Variants in MECOM observed in about 807,000 individuals in gnomAD.
MECOM encodes histone-lysine N-methyltransferase MECOM.
In MECOM, 13 loss-of-function variants were observed where a neutral mutation model predicts 116.3. The observed-to-expected ratio is 0.11, with a 90% confidence interval of 0.07 to 0.18. MECOM has a LOEUF of 0.18. Ranked by LOEUF, MECOM falls within the 10% of genes least tolerant of loss-of-function variation. MECOM has a pLI of 1.00. For missense variants in MECOM, 1,299 were observed against 1,509.0 expected, an observed-to-expected ratio of 0.86 and a Z score of 2.31; for synonymous variants, 528 against 535.2, an observed-to-expected ratio of 0.99 and a Z score of 0.19.
rs75166056 is a variant in MECOM at position 169,307,059 on chromosome 3, T to C, written c.375+74128A>G. Among the ~76,000 whole-genome samples, 1,246 of 152,308 alleles carry C rather than the reference T, an allele frequency of 8.2e-3. 43 individuals are homozygous for C. In the East Asian group the frequency reaches 0.11, roughly 13 times the overall value. ...CCATTTGTAAAACAAAATTTCAGAT[T>C]TATCCATTCCAAACTGGTTTCTCTC... On this transcript the variant is annotated intron_variant, in intron 2 of 16. Coordinates refer to ENST00000651503, the MANE Select transcript of MECOM (RefSeq NM_004991.4).
Position 169,577,404 on chromosome 3 carries a change from T to C in MECOM, c.37+85932A>G, listed in dbSNP as rs558135500. On this transcript the variant is annotated intron_variant, in intron 1 of 16. Transcript: ENST00000651503. ...TGAGTTTACACTAGCCATCTAACTC[T>C]CTTCATTCCAAACTTTCATGAACCT... 8.3e-4 allele frequency among the ~76,000 whole-genome samples: 127 copies of C among 152,242 alleles called. 1 individual carries two copies. The highest frequency in any genetic ancestry group is 1.6e-3 in the Non-Finnish European group (112 of 68,026).
chr3:169,351,414 T>G (rs773630865), intron 2 of MECOM, among the ~76,000 whole-genome samples: 74 of 152,010 alleles, frequency 4.9e-4, no homozygotes, highest in Non-Finnish European at 1.0e-3. Flanking sequence ...CAGTAATGTA[T>G]TTATGTATCT....
At chr3:169,402,861 C>A (rs1274199042) in intron 1 of MECOM, among the ~76,000 whole-genome samples, 2 of 152,110 alleles carry the variant, frequency 1.3e-5, no homozygotes, top group African/African-American at 2.4e-5. Flanking sequence ...AAAGTGTTTG[C>A]CAGGTACACA....
chr3:169,212,636 G>GTATA (rs61115570), intron 2 of MECOM, among the ~76,000 whole-genome samples: 4 of 26,060 alleles, frequency 1.5e-4, no homozygotes, highest in Non-Finnish European at 2.8e-4. Context: ...AGTCAGCAAT[G>GTATA]TATATATATA....
chr3:169,404,032 G>A (rs1736275983), intron 1 of MECOM, among the ~76,000 whole-genome samples: 1 of 152,114 alleles, frequency 6.6e-6, no homozygotes, highest in African/African-American at 2.4e-5. Flanking sequence ...CTTGGGAACT[G>A]AGAGACCAAA....
chr3:169,634,991 G>T (rs1363042063), intron 1 of MECOM, among the ~76,000 whole-genome samples: 1 of 152,078 alleles, frequency 6.6e-6, no homozygotes, highest in East Asian at 1.9e-4. Context: ...TGCTAGGCCA[G>T]GATGGGTGTA....
Position 169,418,719 on chromosome 3 carries a change from A to G in MECOM, c.38-37195T>C, listed in dbSNP as rs192392984. Among the ~76,000 whole-genome samples the G allele has an allele frequency of 1.6e-3, 246 of 152,352 alleles. 3 individuals are homozygous for G. The highest frequency in any genetic ancestry group is 5.1e-3 in the African/African-American group (212 of 41,580). On this transcript the variant is annotated intron_variant, in intron 1 of 16. Coordinates refer to ENST00000651503, the MANE Select transcript of MECOM (RefSeq NM_004991.4). ...CACCCCTTCACGATAAAAACACTCA[A>G]TAAACTAGGTATTGATGGAACATAT...
At chr3:169,092,819 T>C in intron 14 of MECOM, 139 bp downstream of exon 14, 3 of 880,860 alleles carry the variant, frequency 3.4e-6, no homozygotes, top group South Asian at 3.4e-5. Context: ...TTTAATGTGG[T>C]ATTTAATATG....
intron 2 of MECOM, among the ~76,000 whole-genome samples, chr3:169,359,461 C>A (rs1213055476): frequency 6.6e-6 from 1 of 151,678 alleles, no homozygotes; most frequent in African/African-American, 2.4e-5. Context: ...ACATCATATA[C>A]CACCTCAGTA....
chr3:169,115,351 C>T (rs1728808006), intron 8 of MECOM, 32 bp downstream of exon 8: 2 of 1,594,490 alleles, frequency 1.3e-6, no homozygotes, highest in South Asian at 2.3e-5. Flanking sequence ...CATACATCTG[C>T]TCATATTTCG....
chr3:169,402,066 C>T (rs1436468269), intron 1 of MECOM, among the ~76,000 whole-genome samples: 2 of 152,048 alleles, frequency 1.3e-5, no homozygotes, highest in Non-Finnish European at 1.5e-5. Context: ...ATCATGAGAG[C>T]TTAAAAAAGG....
At chr3:169,599,619 A>C (rs1007290699) in intron 1 of MECOM, among the ~76,000 whole-genome samples, 18 of 152,204 alleles carry the variant, frequency 1.2e-4, no homozygotes, top group Admixed American at 9.8e-4. Context: ...TTCCCAATAT[A>C]AGCTTTGTGA....
At chr3:169,574,919 C>T (rs566549788) in intron 1 of MECOM, among the ~76,000 whole-genome samples, 158 of 152,072 alleles carry the variant, frequency 1.0e-3, no homozygotes, top group African/African-American at 3.2e-3. Flanking sequence ...AAGACATCTA[C>T]AGAACACCCA....
chr3:169,617,109 T>G (rs1770108403), intron 1 of MECOM, among the ~76,000 whole-genome samples: 1 of 152,212 alleles, frequency 6.6e-6, no homozygotes, highest in African/African-American at 2.4e-5. Context: ...CAGTATATTT[T>G]TTTAAGATAT....
chr3:169,191,046 G>A lies in MECOM; in HGVS notation c.376-47214C>T, dbSNP rs998086302. 2.6e-5 allele frequency among the ~76,000 whole-genome samples: 4 copies of A among 151,932 alleles called. No individual in the cohort carries two copies. The South Asian group carries it at 8.3e-4, about 31-fold the overall frequency. ...CAGGAGCAGGACCAATTCCCATCTGGGATGCTGACTCCTTACCATCCCTAC... is the reference window on the plus strand; with the variant it reads ...CAGGAGCAGGACCAATTCCCATCTGAGATGCTGACTCCTTACCATCCCTAC... On this transcript the variant is annotated intron_variant, in intron 2 of 16. Transcript: ENST00000651503.
intron 1 of MECOM, among the ~76,000 whole-genome samples, chr3:169,414,939 A>G (rs576721356): frequency 2.4e-4 from 37 of 152,334 alleles, no homozygotes; most frequent in Non-Finnish European, 4.1e-4. Context: ...GGAGAATGGA[A>G]CCAAGTTGGA....
chr3:169,132,755 CTTT>C (rs371541265), intron 3 of MECOM, among the ~76,000 whole-genome samples: 6 of 139,170 alleles, frequency 4.3e-5, no homozygotes, highest in Non-Finnish European at 6.2e-5. Flanking sequence ...TTTTTCTTTT[CTTT>C]TTTTTTTTTT....
chr3:169,206,133 A>G lies in MECOM; in HGVS notation c.376-62301T>C, dbSNP rs139461315. Among the ~76,000 whole-genome samples, 387 of 152,270 alleles carry G rather than the reference A, an allele frequency of 2.5e-3. 1 individual carries two copies. Among genetic ancestry groups the G allele is most frequent in the African/African-American group, 8.7e-3 (362 of 41,564 alleles). On this transcript the variant is annotated intron_variant, in intron 2 of 16. Transcript: ENST00000651503. ...TGTTTGTGAATCTCATCCAGAGAAT[A>G]TCTTGTCCAGGAATCCAAGCCTGTC...
At chr3:169,100,101 C>CTTTCTTT (rs1196989981) in intron 12 of MECOM, among the ~76,000 whole-genome samples, 28 of 50,612 alleles carry the variant, frequency 5.5e-4, no homozygotes, top group Non-Finnish European at 6.8e-4. Context: ...TTCTTTCTTT[C>CTTTCTTT]TTTTTTTTTT....
Sources: allele counts gnomAD v4.1 joint callset (sites outside exome capture counted in the v4.1 genomes callset), GRCh38; gene constraint gnomAD v4.1.1; transcripts MANE v1.5; gene names NCBI Gene and HGNC (gene_info 2026-07-23, HGNC 2026-07-21).